Variants in DNAJC6 observed in about 807,000 individuals in gnomAD.
The protein encoded by DNAJC6 is DnaJ heat shock protein family (Hsp40) member C6.
DNAJC6 carries 34 observed loss-of-function variants against 110.0 expected under a neutral mutation model. The ratio of observed to expected loss-of-function variants is 0.31; its 90% CI spans 0.24 to 0.41. The LOEUF (loss-of-function observed/expected upper bound fraction) is 0.41. DNAJC6 is among the 10% of genes least tolerant of loss of function. The pLI is 1.00. For synonymous variants in DNAJC6, 406 were observed against 437.2 expected (o/e 0.93, Z 0.89); for missense variants, 1,031 against 1,207.8 (o/e 0.85, Z 2.17).
At chr1:65,313,509 C>T (rs1163681906) in intron 1 of DNAJC6, among the ~76,000 whole-genome samples, 5 of 152,140 alleles carry the variant, frequency 3.3e-5, no homozygotes, top group Admixed American at 6.5e-5. Flanking sequence ...GAAACTTATT[C>T]TCAGAGGTGG....
At chr1:65,371,369 C>A (rs1645703968) in intron 4 of DNAJC6, among the ~76,000 whole-genome samples, 1 of 152,084 alleles carries the variant, frequency 6.6e-6, no homozygotes, top group Non-Finnish European at 1.5e-5. Context: ...TAAGAGAGTG[C>A]CTATCTCACA....
At chr1:65,271,627 G>C (rs1303524669) in intron 1 of DNAJC6, among the ~76,000 whole-genome samples, 2 of 152,072 alleles carry the variant, frequency 1.3e-5, no homozygotes, top group Admixed American at 1.3e-4. Flanking sequence ...AGCACTTTCG[G>C]AGGTGGAGGC....
chr1:65,281,860 G>T (rs1402839697), intron 1 of DNAJC6, among the ~76,000 whole-genome samples: 1 of 151,978 alleles, frequency 6.6e-6, no homozygotes, highest in Non-Finnish European at 1.5e-5. Context: ...CACCCACCTC[G>T]GCCTCCCAAA....
chr1:65,391,594 G>A (rs1360823591), intron 11 of DNAJC6, among the ~76,000 whole-genome samples: 6 of 152,094 alleles, frequency 3.9e-5, no homozygotes, highest in African/African-American at 1.2e-4. Context: ...CAGGACACAT[G>A]GAGAAGTAAA....
Position 65,406,007 on chromosome 1 carries a change from C to T in DNAJC6, c.2365C>T (p.Gln789Ter), listed in dbSNP as rs2101635253. The part of the protein sequence containing the change: ...WQQGGAYNWQ[Q>*]PQPKPQPSMP... ...GCAGGGAGGTGCCTACAACTGGCAG[C>T]AGCCACAGCCTAAGCCTCAGCCCAG... The change falls in exon 16 of 19, where the codon CAG becomes TAG. Residue 789 changes from glutamine (Q) to a stop codon, truncating the protein, a stop_gained. Coordinates refer to ENST00000371069, the MANE Select transcript of DNAJC6 (RefSeq NM_001256864.2). LOFTEE classifies it high-confidence loss of function. The T allele has an allele frequency of 6.2e-7, 1 of 1,614,202 alleles. No homozygotes were observed. The highest frequency in any genetic ancestry group is 8.5e-7 in the Non-Finnish European group (1 of 1,180,042).
At chr1:65,292,175 C>A (rs1253218546) in intron 1 of DNAJC6, among the ~76,000 whole-genome samples, 2 of 151,974 alleles carry the variant, frequency 1.3e-5, no homozygotes, top group Non-Finnish European at 2.9e-5. Flanking sequence ...TGCCACCACA[C>A]CTGGCTAATT....
At chr1:65,298,818 T>C (rs1400808995) in intron 1 of DNAJC6, 1 of 152,294 alleles carries the variant, frequency 6.6e-6, no homozygotes, top group Non-Finnish European at 1.5e-5. Flanking sequence ...ATAATTTCTG[T>C]AGAAATCTGC....
At chr1:65,350,547 T>G (rs1645481004) in intron 1 of DNAJC6, among the ~76,000 whole-genome samples, 1 of 152,234 alleles carries the variant, frequency 6.6e-6, no homozygotes, top group Admixed American at 6.5e-5. Context: ...AACATTGTGA[T>G]GATACTTTGT....
chr1:65,314,318 G>A (rs1645128845), intron 1 of DNAJC6, among the ~76,000 whole-genome samples: 2 of 151,970 alleles, frequency 1.3e-5, no homozygotes, highest in African/African-American at 4.8e-5. Flanking sequence ...TTTAAACACA[G>A]CATCCACATT....
At chr1:65,286,081 C>G (rs913775190) in intron 1 of DNAJC6, among the ~76,000 whole-genome samples, 1 of 152,190 alleles carries the variant, frequency 6.6e-6, no homozygotes, top group African/African-American at 2.4e-5. Context: ...CCCTCTACCT[C>G]CCTGCCCCAG....
At chr1:65,411,740 T>C (rs184566237) in intron 18 of DNAJC6, among the ~76,000 whole-genome samples, 1 of 151,736 alleles carries the variant, frequency 6.6e-6, no homozygotes, top group African/African-American at 2.4e-5. Context: ...GGGGGCAGGG[T>C]AGGCGAATCG....
intron 4 of DNAJC6, among the ~76,000 whole-genome samples, chr1:65,367,082 C>T (rs962299750): frequency 1.3e-5 from 2 of 152,108 alleles, no homozygotes; most frequent in African/African-American, 4.8e-5. Flanking sequence ...TGGCTCCTTC[C>T]TGCCCTAATA....
intron 1 of DNAJC6, among the ~76,000 whole-genome samples, chr1:65,314,558 C>T (rs11208625): frequency 0.063 from 9,518 of 152,150 alleles, 341 homozygotes; most frequent in Non-Finnish European, 0.079. Flanking sequence ...GGTGTGATCC[C>T]GGCTCACTGC....
chr1:65,385,136 C>G (rs1009381431), intron 6 of DNAJC6, among the ~76,000 whole-genome samples: 1 of 152,050 alleles, frequency 6.6e-6, no homozygotes, highest in Non-Finnish European at 1.5e-5. Context: ...CTGTGGGAAA[C>G]CTGATTTAAC....
chr1:65,412,000 TC>T (rs1646134034), intron 18 of DNAJC6, among the ~76,000 whole-genome samples: 1 of 152,078 alleles, frequency 6.6e-6, no homozygotes, highest in Admixed American at 6.6e-5. Flanking sequence ...GTAAATTGTG[TC>T]CTGGCTTACA....
At chr1:65,407,951 C>T (rs1280362454) in intron 16 of DNAJC6, among the ~76,000 whole-genome samples, 3 of 152,156 alleles carry the variant, frequency 2.0e-5, no homozygotes, top group Non-Finnish European at 4.4e-5. Context: ...AGGCACTGTT[C>T]TAAGCATTTT....
intron 9 of DNAJC6, among the ~76,000 whole-genome samples, chr1:65,388,894 G>GGA (rs1645897253): frequency 6.6e-6 from 1 of 152,168 alleles, no homozygotes; most frequent in Non-Finnish European, 1.5e-5. Context: ...GCTAGAGCCG[G>GGA]GATGGAGTTG....
chr1:65,266,687 C>T (rs1015494103), intron 1 of DNAJC6, among the ~76,000 whole-genome samples: 37 of 151,424 alleles, frequency 2.4e-4, no homozygotes, highest in African/African-American at 7.5e-4. Context: ...GAAAGGGTTT[C>T]TGGAGAGAAA....
At position 65,392,539 on chromosome 1, in the gene DNAJC6, A is replaced by T; in HGVS notation, c.1577A>T (p.Asn526Ile). ...CTGACACTTTCCAGTCCGCATGGCA[A>T]TGCCAATGGTGACAAGCCTCATGGA... ...ELLTLSSPHGNANGDKPHGVK... is the reference protein window; with the variant it reads ...ELLTLSSPHGIANGDKPHGVK... The change falls in exon 12 of 19, where the codon AAT (asparagine) becomes ATT (isoleucine). Residue 526 changes from asparagine (N) to isoleucine (I), a missense_variant. Coordinates refer to ENST00000371069, the MANE Select transcript of DNAJC6 (RefSeq NM_001256864.2). The T allele has an allele frequency of 6.2e-7, 1 of 1,614,130 alleles. No homozygotes were observed. Among genetic ancestry groups the T allele is most frequent in the Non-Finnish European group, 8.5e-7 (1 of 1,180,020 alleles).
Sources: gnomAD v4.1 joint callset for allele counts (sites outside exome capture counted in the v4.1 genomes callset) on GRCh38, gnomAD v4.1.1 for gene constraint, MANE v1.5 for transcripts, NCBI Gene and HGNC (gene_info 2026-07-23, HGNC 2026-07-21) for gene names.